FHIT: variants seen among roughly 807,000 people sequenced by gnomAD.
FHIT encodes fragile histidine triad diadenosine triphosphatase.
FHIT carries 19 observed loss-of-function variants against 17.9 expected under a neutral mutation model. That is an observed-to-expected ratio of 1.06 (90% CI 0.74 to 1.56). FHIT has a LOEUF of 1.56. Ranked by LOEUF, FHIT falls within the 40% of genes most tolerant of loss-of-function variation. The probability of loss-of-function intolerance (pLI) is 0.00; values close to 1 mark genes in which losing one functional copy is unlikely to be tolerated. For synonymous variants in FHIT, 81 were observed against 69.7 expected (o/e 1.16, Z -0.81); for missense variants, 248 against 189.2 (o/e 1.31, Z -1.82).
chr3:60,839,212 C>T (rs1028569788), intron 3 of FHIT, among the ~76,000 whole-genome samples: 2 of 152,126 alleles, frequency 1.3e-5, no homozygotes, highest in African/African-American at 4.8e-5. Flanking sequence ...GCTACTATAA[C>T]ACTCTTTTTA....
intron 7 of FHIT, among the ~76,000 whole-genome samples, chr3:59,938,417 G>C (rs1019901648): frequency 6.6e-6 from 1 of 152,154 alleles, no homozygotes; most frequent in Non-Finnish European, 1.5e-5. Flanking sequence ...GCAGAATGGG[G>C]AGATACAGGT....
chr3:60,225,825 G>A (rs1704171832), intron 5 of FHIT, among the ~76,000 whole-genome samples: 1 of 152,144 alleles, frequency 6.6e-6, no homozygotes, highest in African/African-American at 2.4e-5. Context: ...GGCTGAGACA[G>A]AATACAGCAT....
intron 3 of FHIT, among the ~76,000 whole-genome samples, chr3:60,998,757 A>T (rs2030851986): frequency 6.6e-6 from 1 of 152,134 alleles, no homozygotes. Flanking sequence ...CAGACATTCA[A>T]TTTATTGGTG....
chr3:60,651,983 T>A (rs2040001477), intron 4 of FHIT, among the ~76,000 whole-genome samples: 1 of 152,070 alleles, frequency 6.6e-6, no homozygotes. Flanking sequence ...GAAGAAGCCA[T>A]TAGAAGATAA....
chr3:60,738,629 G>A (rs1428007618), intron 4 of FHIT, among the ~76,000 whole-genome samples: 1 of 152,206 alleles, frequency 6.6e-6, no homozygotes, highest in African/African-American at 2.4e-5. Context: ...TCAAGTTCTC[G>A]ATCTGTACCA....
intron 7 of FHIT, among the ~76,000 whole-genome samples, chr3:59,945,527 G>A (rs1049024331): frequency 3.3e-5 from 5 of 150,656 alleles, no homozygotes; most frequent in African/African-American, 9.7e-5. Flanking sequence ...AGCTTAATTA[G>A]GTTCCATTTG....
intron 8 of FHIT, among the ~76,000 whole-genome samples, chr3:59,889,953 ATC>A (rs1304657754): frequency 2.6e-5 from 4 of 152,176 alleles, no homozygotes; most frequent in African/African-American, 9.7e-5. Flanking sequence ...GTTTAATATT[ATC>A]TCTCTCTTTC....
chr3:60,915,612 G>A (rs1446467347), intron 3 of FHIT, among the ~76,000 whole-genome samples: 2 of 152,118 alleles, frequency 1.3e-5, no homozygotes, highest in African/African-American at 4.8e-5. Context: ...ATAAAGTCAT[G>A]ACAAGAAATA....
At chr3:60,228,697 G>A (rs755376522) in intron 5 of FHIT, among the ~76,000 whole-genome samples, 14 of 152,054 alleles carry the variant, frequency 9.2e-5, no homozygotes, top group South Asian at 2.1e-4. Context: ...AATTTATAGC[G>A]TGTTTTAAAA....
intron 8 of FHIT, among the ~76,000 whole-genome samples, chr3:59,780,046 C>G (rs1559598951): frequency 6.6e-6 from 1 of 152,078 alleles, no homozygotes; most frequent in Non-Finnish European, 1.5e-5. Context: ...TCCATTTTAC[C>G]CCTCTTCCCA....
chr3:60,276,015 T>C (rs1707112709), intron 5 of FHIT, among the ~76,000 whole-genome samples: 1 of 147,184 alleles, frequency 6.8e-6, no homozygotes, highest in Admixed American at 6.9e-5. Context: ...TGAGATGGAG[T>C]CTCGCTCAGT....
intron 5 of FHIT, among the ~76,000 whole-genome samples, chr3:60,206,094 C>T (rs970749842): frequency 6.7e-6 from 1 of 148,242 alleles, no homozygotes; most frequent in Non-Finnish European, 1.5e-5. Flanking sequence ...GATTGAGCCA[C>T]TGCACTCCAG....
At chr3:61,034,000 G>A (rs1214268840) in intron 3 of FHIT, among the ~76,000 whole-genome samples, 1 of 152,116 alleles carries the variant, frequency 6.6e-6, no homozygotes, top group Non-Finnish European at 1.5e-5. Context: ...AAGGTACCAA[G>A]TCATTTAATG....
intron 5 of FHIT, among the ~76,000 whole-genome samples, chr3:60,395,696 T>C (rs1344370908): frequency 1.3e-5 from 2 of 152,164 alleles, no homozygotes; most frequent in Non-Finnish European, 2.9e-5. Flanking sequence ...AGTCAAATAC[T>C]AGACAAGAAA....
At chr3:59,806,900 A>C (rs1006957942) in intron 8 of FHIT, among the ~76,000 whole-genome samples, 2 of 152,124 alleles carry the variant, frequency 1.3e-5, no homozygotes, top group African/African-American at 4.8e-5. Flanking sequence ...GATAAGGGAA[A>C]GATCTTCAGA....
chr3:60,277,803 T>C lies in FHIT; in HGVS notation c.103+259057A>G, dbSNP rs184436308. ...AATCCTCAGCTCCCAAACTCACTCC[T>C]TGTGTGTGTGTGTCCCTGTCCTTAA... On this transcript the variant is annotated intron_variant, in intron 5 of 9. Coordinates refer to ENST00000492590, the MANE Select transcript of FHIT (RefSeq NM_002012.4). Among the ~76,000 whole-genome samples the C allele has an allele frequency of 7.8e-4, 118 of 152,118 alleles. 1 individual carries two copies. The highest frequency in any genetic ancestry group is 3.1e-4 in the Non-Finnish European group (21 of 67,984).
At chr3:59,815,729 C>T (rs958112811) in intron 8 of FHIT, among the ~76,000 whole-genome samples, 1 of 151,952 alleles carries the variant, frequency 6.6e-6, no homozygotes, top group Non-Finnish European at 1.5e-5. Flanking sequence ...ACTCTGGGGA[C>T]TCAAGGGAAA....
intron 7 of FHIT, among the ~76,000 whole-genome samples, chr3:59,988,751 G>T (rs1463637389): frequency 6.6e-6 from 1 of 152,118 alleles, no homozygotes; most frequent in Non-Finnish European, 1.5e-5. Flanking sequence ...CCCTGTGGGG[G>T]TGGTCCCTGA....
intron 5 of FHIT, among the ~76,000 whole-genome samples, chr3:60,041,107 G>T (rs572391629): frequency 5.9e-5 from 9 of 152,262 alleles, no homozygotes; most frequent in South Asian, 2.1e-4. Context: ...AAAACAAGAA[G>T]TACCTGTGCA....
Sources: allele counts gnomAD v4.1 joint callset (sites outside exome capture counted in the v4.1 genomes callset), GRCh38; gene constraint gnomAD v4.1.1; transcripts MANE v1.5; gene names NCBI Gene and HGNC (gene_info 2026-07-23, HGNC 2026-07-21).